Variants in WAPL observed in about 807,000 individuals in gnomAD.
WAPL encodes the protein wings apart-like protein homolog.
WAPL carries 5 observed loss-of-function variants against 121.0 expected under a neutral mutation model. The ratio of observed to expected loss-of-function variants is 0.04; its 90% CI spans 0.02 to 0.09. The LOEUF is 0.09. WAPL is among the 10% of genes least tolerant of loss of function. WAPL has a pLI of 1.00. For synonymous variants in WAPL, 480 were observed against 481.5 expected, an observed-to-expected ratio of 1.00 and a Z score of 0.04; for missense variants, 999 against 1,410.8, an observed-to-expected ratio of 0.71 and a Z score of 4.68.
rs904518633 is a variant in WAPL, at chr10:86,473,985, A to T, written c.1645-12T>A. 6.2e-7 allele frequency: 1 copy of T among 1,603,700 alleles called. No homozygotes were observed. Among genetic ancestry groups the T allele is most frequent in the East Asian group, 2.2e-5 (1 of 44,812 alleles). ...GCTTTTGTGGGTGACTAGAGAAATG[A>T]GAGAAAGATCAACTGCTTCCATCCT... On this transcript the variant is annotated splice_polypyrimidine_tract_variant and intron_variant, in intron 4 of 18. Transcript: ENST00000298767.
intron 5 of WAPL, among the ~76,000 whole-genome samples, chr10:86,473,109 G>C (rs1463722700): frequency 1.3e-5 from 2 of 152,172 alleles, no homozygotes; most frequent in Non-Finnish European, 2.9e-5. Flanking sequence ...GGACAGGACA[G>C]AAAAACCAGA....
chr10:86,465,486 G>A (rs983080885), intron 9 of WAPL, among the ~76,000 whole-genome samples: 1 of 152,148 alleles, frequency 6.6e-6, no homozygotes, highest in Non-Finnish European at 1.5e-5. Flanking sequence ...GATTATGGGC[G>A]TGAGCCACAC....
At position 86,437,781 on chromosome 10, in the gene WAPL, T is replaced by C. The variant is rs994695668; in HGVS notation, c.3507+139A>G. The C allele has an allele frequency of 4.2e-6, 4 of 951,228 alleles. No homozygotes were observed. The African/African-American group carries it at 5.0e-5, about 12-fold the overall frequency. 58.9% of individuals were successfully genotyped at this position (951,228 alleles called of 1,614,324 possible). ...TTTGCCATAACATGCAATGATTACC[T>C]TGAAGAAATAGAACACGATTATTAA... is the stretch of plus-strand genomic sequence containing the variant. On this transcript the variant is annotated intron_variant, in intron 18 of 18. Coordinates refer to ENST00000298767, the MANE Select transcript of WAPL (RefSeq NM_015045.5).
chr10:86,477,731 G>T (rs1161138734), intron 4 of WAPL, among the ~76,000 whole-genome samples: 1 of 152,112 alleles, frequency 6.6e-6, no homozygotes, highest in East Asian at 1.9e-4. Context: ...AACCCAGAAG[G>T]TAGAGGCTGC....
chr10:86,506,204 C>A (rs368394716), intron 2 of WAPL, among the ~76,000 whole-genome samples: 41 of 152,292 alleles, frequency 2.7e-4, no homozygotes, highest in African/African-American at 8.7e-4. Context: ...TACTGTACTC[C>A]AGTCTGGGCA....
chr10:86,470,277 GC>G (rs1841507536), intron 8 of WAPL, among the ~76,000 whole-genome samples: 1 of 151,954 alleles, frequency 6.6e-6, no homozygotes, highest in Non-Finnish European at 1.5e-5. Flanking sequence ...GAGATGATCT[GC>G]CCACTTTGGC....
At chr10:86,439,096 T>G (rs936356358) in intron 17 of WAPL, among the ~76,000 whole-genome samples, 4 of 151,874 alleles carry the variant, frequency 2.6e-5, no homozygotes, top group Non-Finnish European at 4.4e-5. Flanking sequence ...ACACAAAAGC[T>G]CCCAATTCGA....
chr10:86,443,964 C>A, intron 16 of WAPL: 1 of 154,442 alleles, frequency 6.5e-6, no homozygotes, highest in Non-Finnish European at 1.4e-5. Context: ...GTCAAGGCTG[C>A]AGTAAGCCCT....
intron 2 of WAPL, among the ~76,000 whole-genome samples, chr10:86,508,578 A>C (rs1262199088): frequency 2.6e-5 from 4 of 152,082 alleles, no homozygotes; most frequent in South Asian, 2.1e-4. Context: ...TCTGCCTTGC[A>C]GTCCTCACTT....
intron 10 of WAPL, among the ~76,000 whole-genome samples, 191 bp from the exon 11 acceptor site, chr10:86,460,687 A>C (rs1841247455): frequency 6.6e-6 from 1 of 151,066 alleles, no homozygotes; most frequent in Admixed American, 6.6e-5. Context: ...TGTTTCCATA[A>C]TCCCCCAATA....
intron 2 of WAPL, among the ~76,000 whole-genome samples, chr10:86,507,971 C>T (rs1484543484): frequency 6.6e-6 from 1 of 152,114 alleles, no homozygotes; most frequent in African/African-American, 2.4e-5. Flanking sequence ...GACAAAATGT[C>T]TATTGAGGAC....
rs540906394 is a variant in WAPL at position 86,435,645 on chromosome 10, T to A, written c.*1898A>T. 1 of 152,662 alleles carries A rather than the reference T, an allele frequency of 6.6e-6. No individual in the cohort carries two copies. The highest frequency in any genetic ancestry group is 2.1e-4 in the South Asian group (1 of 4,822). The allele number at this position is 152,662 out of a possible 1,614,324, so 9.5% of individuals were successfully genotyped here. On this transcript the variant is annotated 3_prime_UTR_variant, in exon 19 of 19. Coordinates refer to ENST00000298767, the MANE Select transcript of WAPL (RefSeq NM_015045.5). ...TCTCTATCAGTGCTCGACAATTAGT[T>A]ATTATTTAAAAAACAAAACAAAACA...
In WAPL at chr10:86,521,719, G is replaced by A. The variant is rs1279474996; in HGVS notation, c.-377C>T. On this transcript the variant is annotated 5_prime_UTR_variant, in exon 1 of 19. Coordinates refer to ENST00000298767, the MANE Select transcript of WAPL (RefSeq NM_015045.5). ...TGGTCAGTGCTGGAGTTTGAACAGGGCCCTGAACCATCTCAACGCCATTTG... is the reference window on the plus strand; with the variant it reads ...TGGTCAGTGCTGGAGTTTGAACAGGACCCTGAACCATCTCAACGCCATTTG... 2 of 457,362 alleles carry A rather than the reference G, an allele frequency of 4.4e-6. No homozygotes were observed. Among genetic ancestry groups the A allele is most frequent in the Non-Finnish European group, 9.0e-6 (2 of 221,794 alleles). The allele number at this position is 457,362 out of a possible 1,614,324, so 28.3% of individuals were successfully genotyped here. A position where few individuals can be genotyped will look rare whatever the true frequency, so the allele number is the denominator to read the frequency against.
intron 1 of WAPL, among the ~76,000 whole-genome samples, chr10:86,518,980 C>T (rs1229399371): frequency 6.6e-6 from 1 of 152,190 alleles, no homozygotes; most frequent in Non-Finnish European, 1.5e-5. Flanking sequence ...TAGTGCTGTG[C>T]TCATTTGCTG....
intron 1 of WAPL, among the ~76,000 whole-genome samples, chr10:86,520,999 C>T (rs996878180): frequency 2.6e-5 from 4 of 152,020 alleles, no homozygotes; most frequent in African/African-American, 9.7e-5. Flanking sequence ...CCTCCCAACC[C>T]GCGCCGCCCA....
chr10:86,516,279 T>A lies in WAPL; in HGVS notation c.499+1292A>T, dbSNP rs1240114313. Among the ~76,000 whole-genome samples, 4 of 152,096 alleles carry A rather than the reference T, an allele frequency of 2.6e-5. No individual in the cohort carries two copies. In the East Asian group the frequency reaches 7.7e-4, roughly 29 times the overall value. On this transcript the variant is annotated intron_variant, in intron 2 of 18. Coordinates refer to ENST00000298767, the MANE Select transcript of WAPL (RefSeq NM_015045.5). ...GCCAAATTAGAATTAACCCTGAGGA[T>A]CAAGGGAATGACAATAACAGCTGGC...
Position 86,481,664 on chromosome 10 carries a change from C to T in WAPL, c.1645-7691G>A, listed in dbSNP as rs1044700817. ...CTGGGATTACAGGCGTGAACCACCG[C>T]GCCGGGCTGAAAAATTTTAGTCTGT... On this transcript the variant is annotated intron_variant, in intron 4 of 18. Coordinates refer to ENST00000298767, the MANE Select transcript of WAPL (RefSeq NM_015045.5). 5.3e-5 allele frequency among the ~76,000 whole-genome samples: 8 copies of T among 151,936 alleles called. 1 individual carries two copies. Among genetic ancestry groups the T allele is most frequent in the Admixed American group, 3.3e-4 (5 of 15,260 alleles).
At chr10:86,458,958 T>A in intron 12 of WAPL, 31 bp downstream of exon 12, 1 of 1,517,250 alleles carries the variant, frequency 6.6e-7, no homozygotes, top group Non-Finnish European at 9.1e-7. Context: ...AGTAACAATG[T>A]TAGTTGTTAA....
intron 2 of WAPL, among the ~76,000 whole-genome samples, chr10:86,510,067 C>A (rs1356385594): frequency 8.5e-6 from 1 of 117,680 alleles, no homozygotes; most frequent in Non-Finnish European, 1.7e-5. Flanking sequence ...CTCCACCCGG[C>A]CTTTTTTTTT....
Sources: gnomAD v4.1 joint callset for allele counts (sites outside exome capture counted in the v4.1 genomes callset) on GRCh38, gnomAD v4.1.1 for gene constraint, MANE v1.5 for transcripts, NCBI Gene and HGNC (gene_info 2026-07-23, HGNC 2026-07-21) for gene names.